Variants in CDH20 observed in about 807,000 individuals in gnomAD.
CDH20 encodes cadherin-20.
In CDH20, 29 loss-of-function variants were observed where a neutral mutation model predicts 74.2. The observed-to-expected ratio is 0.39, with a 90% CI of 0.29 to 0.53. The LOEUF is 0.53. Among genes scored for constraint, CDH20 ranks in the 20% least tolerant of loss-of-function variants. The probability of loss-of-function intolerance (pLI) is 0.69; values close to 1 mark genes in which losing one functional copy is unlikely to be tolerated. For synonymous variants in CDH20, 469 were observed against 405.4 expected (o/e 1.16, Z -1.88); for missense variants, 988 against 1,048.3 (o/e 0.94, Z 0.79).
chr18:61,552,976 T>G (rs1441847227), intron 11 of CDH20, among the ~76,000 whole-genome samples: 2 of 152,154 alleles, frequency 1.3e-5, no homozygotes, highest in African/African-American at 4.8e-5. Flanking sequence ...CGCCTCGTAT[T>G]TTTGCACACA....
rs540596503 is a variant in CDH20, at chr18:61,357,740, G to GT, written c.-153+23922dup. 3.3e-4 allele frequency among the ~76,000 whole-genome samples: 50 copies of GT among 151,414 alleles called. No individual in the cohort carries two copies. The East Asian group carries it at 6.6e-3, about 20-fold the overall frequency. ...TGAAACCCAACAAAATCAACTGTTT[G>GT]TTTTTTTTTAAGTGGGTACATGACC... is the stretch of plus-strand genomic sequence containing the variant. On this transcript the variant is annotated intron_variant, in intron 1 of 11. Coordinates refer to ENST00000262717, the MANE Select transcript of CDH20 (RefSeq NM_031891.4).
chr18:61,454,684 C>T (rs1277581690), intron 1 of CDH20, among the ~76,000 whole-genome samples: 2 of 152,182 alleles, frequency 1.3e-5, no homozygotes, highest in Non-Finnish European at 2.9e-5. Flanking sequence ...CAGGATCTTG[C>T]TATATGTTTG....
intron 1 of CDH20, among the ~76,000 whole-genome samples, chr18:61,434,904 G>T (rs1432081618): frequency 6.6e-6 from 1 of 151,992 alleles, no homozygotes; most frequent in African/African-American, 2.4e-5. Flanking sequence ...TCTCTTACAT[G>T]TCTAAGATAA....
intron 1 of CDH20, among the ~76,000 whole-genome samples, chr18:61,339,752 A>T (rs1368746043): frequency 7.9e-6 from 1 of 125,844 alleles, no homozygotes; most frequent in Non-Finnish European, 1.6e-5. Flanking sequence ...CAGTGGCATG[A>T]TCTTGGCTCA....
intron 1 of CDH20, among the ~76,000 whole-genome samples, chr18:61,384,800 C>A (rs756980408): frequency 6.6e-6 from 1 of 151,912 alleles, no homozygotes; most frequent in African/African-American, 2.4e-5. Flanking sequence ...AATAAAAATC[C>A]ACTGAAGCCA....
chr18:61,494,828 G>T (rs539476331), intron 2 of CDH20, among the ~76,000 whole-genome samples: 45 of 152,248 alleles, frequency 3.0e-4, no homozygotes, highest in Admixed American at 7.8e-4. Flanking sequence ...AAATCATGCC[G>T]AGGTTAACAA....
chr18:61,414,399 T>G (rs2144257020), intron 1 of CDH20, among the ~76,000 whole-genome samples: 1 of 152,302 alleles, frequency 6.6e-6, no homozygotes, highest in East Asian at 1.9e-4. Context: ...CCTCACATTG[T>G]GCAAGACAGT....
At chr18:61,473,958 T>A (rs561634575) in intron 1 of CDH20, among the ~76,000 whole-genome samples, 2 of 152,222 alleles carry the variant, frequency 1.3e-5, no homozygotes, top group African/African-American at 4.8e-5. Flanking sequence ...AAATTCAACA[T>A]TTCTCCTAGG....
At chr18:61,540,454 T>C (rs1228942013) in intron 9 of CDH20, among the ~76,000 whole-genome samples, 1 of 151,912 alleles carries the variant, frequency 6.6e-6, no homozygotes, top group Non-Finnish European at 1.5e-5. Flanking sequence ...TGGGGAGGCC[T>C]CACAATCACG....
chr18:61,360,830 A>C (rs11664910), intron 1 of CDH20, among the ~76,000 whole-genome samples: 1 of 152,074 alleles, frequency 6.6e-6, no homozygotes, highest in African/African-American at 2.4e-5. Context: ...GGGGAACAGC[A>C]TTTGCTAAAG....
chr18:61,550,063 T>C lies in CDH20; in HGVS notation c.1734T>C (p.Asp578=), dbSNP rs368183002. The C allele has an allele frequency of 9.9e-6, 16 of 1,614,082 alleles. No individual in the cohort carries two copies. Among genetic ancestry groups the C allele is most frequent in the Non-Finnish European group, 1.2e-5 (14 of 1,180,040 alleles). Residue 578 remains aspartate (D), a synonymous_variant, in exon 11 of 12, where the codon GAT becomes GAC. Coordinates refer to ENST00000262717, the MANE Select transcript of CDH20 (RefSeq NM_031891.4). ...TTCACCTGCCTATCCTGATAGCAGATAGCGGGCAGCCCGTGCTGAGCAGCA... is the reference window on the plus strand; with the variant it reads ...TTCACCTGCCTATCCTGATAGCAGACAGCGGGCAGCCCGTGCTGAGCAGCA... ...SVFHLPILIA[D]SGQPVLSSTG...
chr18:61,348,982 C>T (rs1251990469), intron 1 of CDH20, among the ~76,000 whole-genome samples: 1 of 152,080 alleles, frequency 6.6e-6, no homozygotes, highest in Non-Finnish European at 1.5e-5. Flanking sequence ...CTAGGCGTTG[C>T]TTTGTAATGT....
chr18:61,465,440 C>T (rs1909927128), intron 1 of CDH20, among the ~76,000 whole-genome samples: 2 of 152,122 alleles, frequency 1.3e-5, no homozygotes. Flanking sequence ...CACATACTTC[C>T]CATTGTACTA....
At chr18:61,339,344 A>C (rs1331647668) in intron 1 of CDH20, among the ~76,000 whole-genome samples, 1 of 150,834 alleles carries the variant, frequency 6.6e-6, no homozygotes, top group Non-Finnish European at 1.5e-5. Context: ...TTCAAGGGGT[A>C]CATGTGCAAG....
At position 61,503,026 on chromosome 18, in the gene CDH20, G is replaced by A. The variant is rs1166307979; in HGVS notation, c.735G>A (p.Lys245=). ...KEYYEVIIQA[K]DMGGQLGGLA... is the part of the protein sequence containing the mutation. ...ACTACGAAGTGATTATCCAAGCCAA[G>A]GACATGGGAGGGCAGCTTGGAGGAT... The change falls in exon 5 of 12, where the codon AAG becomes AAA. Residue 245 remains lysine, a synonymous_variant. Coordinates refer to ENST00000262717, the MANE Select transcript of CDH20 (RefSeq NM_031891.4). The A allele has an allele frequency of 1.9e-6, 3 of 1,613,680 alleles. No individual in the cohort carries two copies. The highest frequency in any genetic ancestry group is 4.5e-5 in the East Asian group (2 of 44,882).
At chr18:61,522,581 A>C (rs951082027) in intron 6 of CDH20, among the ~76,000 whole-genome samples, 1 of 152,210 alleles carries the variant, frequency 6.6e-6, no homozygotes, top group Non-Finnish European at 1.5e-5. Flanking sequence ...TTTCATATGG[A>C]TCCAAAAAAG....
At chr18:61,498,760 T>G (rs958944964) in intron 2 of CDH20, among the ~76,000 whole-genome samples, 1 of 152,230 alleles carries the variant, frequency 6.6e-6, no homozygotes, top group African/African-American at 2.4e-5. Context: ...TAAAACTGTT[T>G]GATACTCCAA....
chr18:61,545,133 G>T lies in CDH20; in HGVS notation c.1637G>T (p.Arg546Met). The change falls in exon 10 of 12, where the codon AGG becomes ATG. Residue 546 changes from arginine to methionine, a missense_variant. By Grantham distance (91) the Arg-to-Met change is moderately conservative (BLOSUM62 -1). Transcript: ENST00000262717. ...EAANNPNFTI[R>M]DNQDNTARIL... ...GCTAACAACCCCAACTTTACCATAA[G>T]GGACAACCAAGGTAATCAGGTGGAT... is the stretch of plus-strand genomic sequence containing the variant. 1 of 1,608,266 alleles carries T rather than the reference G, an allele frequency of 6.2e-7. No individual in the cohort carries two copies. Among genetic ancestry groups the T allele is most frequent in the African/African-American group, 1.3e-5 (1 of 74,884 alleles).
intron 1 of CDH20, among the ~76,000 whole-genome samples, chr18:61,473,816 C>A (rs775299379): frequency 1.3e-5 from 2 of 152,150 alleles, no homozygotes; most frequent in Non-Finnish European, 2.9e-5. Flanking sequence ...TGGGATCAAT[C>A]AGCAGGTCAT....
Sources: allele counts gnomAD v4.1 joint callset (sites outside exome capture counted in the v4.1 genomes callset), GRCh38; gene constraint gnomAD v4.1.1; transcripts MANE v1.5; gene names NCBI Gene and HGNC (gene_info 2026-07-23, HGNC 2026-07-21).